Variants in DLG2 observed in about 807,000 individuals in gnomAD.
DLG2 encodes the protein discs large MAGUK scaffold protein 2, also known as disks large homolog 2.
A neutral mutation model predicts 132.5 loss-of-function variants in DLG2; 45 were observed. That is an observed-to-expected ratio of 0.34 (90% CI 0.27 to 0.44). DLG2 has a LOEUF of 0.44. Ranked by LOEUF, DLG2 falls within the 20% of genes least tolerant of loss-of-function variation. DLG2 has a pLI of 1.00. For synonymous variants in DLG2, 424 were observed against 419.6 expected, an observed-to-expected ratio of 1.01 and a Z score of -0.13; for missense variants, 1,045 against 1,196.9, an observed-to-expected ratio of 0.87 and a Z score of 1.87.
At chr11:85,452,826 G>T in intron 3 of DLG2, 1 of 162,726 alleles carries the variant, frequency 6.1e-6, no homozygotes, top group African/African-American at 2.4e-5. Flanking sequence ...AATGCAGGCA[G>T]CAGCTTCATG....
chr11:84,329,781 G>A (rs1452800071), intron 7 of DLG2, among the ~76,000 whole-genome samples: 1 of 152,132 alleles, frequency 6.6e-6, no homozygotes, highest in Non-Finnish European at 1.5e-5. Context: ...GAAGGCCAAT[G>A]GCCTTTGCTT....
rs760184088 is a variant in DLG2, at chr11:83,480,642, G to GAA, written c.2293+3485_2293+3486dup. 1.5e-4 allele frequency: 232 copies of GAA among 1,553,774 alleles called. 1 individual carries two copies. Among genetic ancestry groups the GAA allele is most frequent in the Non-Finnish European group, 2.0e-4 (228 of 1,148,798 alleles). ...CTGTTTCTTCTTTTTAGCAAATGAA[G>GAA]AAAGTATCTTTAATTACAAAAAATG... On this transcript the variant is annotated intron_variant, in intron 22 of 27. Coordinates refer to ENST00000376104, the MANE Select transcript of DLG2 (RefSeq NM_001142699.3).
chr11:84,860,477 T>A (rs940377204), intron 6 of DLG2, among the ~76,000 whole-genome samples: 7 of 152,156 alleles, frequency 4.6e-5, no homozygotes, highest in Non-Finnish European at 1.0e-4. Flanking sequence ...GATTTTCTAT[T>A]GTTGAAAATA....
intron 6 of DLG2, among the ~76,000 whole-genome samples, chr11:84,657,639 G>C (rs1433241870): frequency 1.3e-5 from 2 of 152,128 alleles, no homozygotes; most frequent in Non-Finnish European, 2.9e-5. Context: ...TTCACAATAG[G>C]TTTCCTGCTC....
At chr11:85,488,117 G>A (rs1469876885) in intron 3 of DLG2, among the ~76,000 whole-genome samples, 1 of 152,202 alleles carries the variant, frequency 6.6e-6, no homozygotes, top group Non-Finnish European at 1.5e-5. Context: ...TTGGCTGGGT[G>A]CAGTGGCTCA....
chr11:83,881,981 AT>A (rs2066389830), intron 15 of DLG2, among the ~76,000 whole-genome samples: 1 of 152,106 alleles, frequency 6.6e-6, no homozygotes, highest in African/African-American at 2.4e-5. Flanking sequence ...AGATCAAAAA[AT>A]ATTATAAAAT....
At chr11:85,143,389 G>T (rs2152434916) in intron 5 of DLG2, among the ~76,000 whole-genome samples, 1 of 151,786 alleles carries the variant, frequency 6.6e-6, no homozygotes, top group Non-Finnish European at 1.5e-5. Flanking sequence ...CAGTTGTAAT[G>T]TCACGTTTTT....
intron 6 of DLG2, among the ~76,000 whole-genome samples, chr11:84,976,357 G>C (rs2054905463): frequency 6.6e-6 from 1 of 152,104 alleles, no homozygotes; most frequent in South Asian, 2.1e-4. Context: ...ACCCACGACT[G>C]TAAGACTGAG....
At chr11:83,844,448 T>C (rs1183306652) in intron 16 of DLG2, among the ~76,000 whole-genome samples, 1 of 146,144 alleles carries the variant, frequency 6.8e-6, no homozygotes, top group Non-Finnish European at 1.5e-5. Flanking sequence ...CTTGGGTGGC[T>C]GAGGCACGAG....
At chr11:85,037,363 T>G (rs1037991877) in intron 6 of DLG2, among the ~76,000 whole-genome samples, 2 of 152,208 alleles carry the variant, frequency 1.3e-5, no homozygotes, top group African/African-American at 4.8e-5. Flanking sequence ...GAGACTAAGT[T>G]TCTTCCTTTA....
chr11:83,797,798 G>A (rs1447164491), intron 17 of DLG2, among the ~76,000 whole-genome samples: 8 of 152,172 alleles, frequency 5.3e-5, no homozygotes, highest in Non-Finnish European at 8.8e-5. Context: ...GAATACAGGC[G>A]TGAGCCACTG....
intron 7 of DLG2, among the ~76,000 whole-genome samples, chr11:84,497,056 T>G (rs981626569): frequency 5.9e-5 from 9 of 152,158 alleles, no homozygotes; most frequent in Non-Finnish European, 1.3e-4. Flanking sequence ...ACTTAAACTC[T>G]GACTCCCACT....
At chr11:84,604,859 C>T (rs1427261424) in intron 6 of DLG2, among the ~76,000 whole-genome samples, 3 of 151,722 alleles carry the variant, frequency 2.0e-5, no homozygotes, top group East Asian at 3.9e-4. Context: ...ATAATATGTT[C>T]CTTTAAGAAA....
At chr11:83,606,396 C>A (rs1281736636) in intron 19 of DLG2, among the ~76,000 whole-genome samples, 1 of 152,012 alleles carries the variant, frequency 6.6e-6, no homozygotes, top group Non-Finnish European at 1.5e-5. Context: ...AGTGAGGAAA[C>A]CTTAGATGGG....
intron 6 of DLG2, among the ~76,000 whole-genome samples, chr11:84,962,420 T>C (rs1274201000): frequency 2.6e-5 from 4 of 152,308 alleles, no homozygotes; most frequent in African/African-American, 9.6e-5. Flanking sequence ...ATATACCAAT[T>C]ACTTAGCTTT....
chr11:84,134,594 T>C (rs1208390704), intron 9 of DLG2, among the ~76,000 whole-genome samples: 1 of 152,014 alleles, frequency 6.6e-6, no homozygotes, highest in African/African-American at 2.4e-5. Flanking sequence ...GGGAACTAGG[T>C]ACAGTTCCCA....
intron 9 of DLG2, among the ~76,000 whole-genome samples, chr11:84,138,911 T>C (rs2094717269): frequency 1.5e-5 from 2 of 136,492 alleles, no homozygotes; most frequent in Non-Finnish European, 3.0e-5. Flanking sequence ...ATCATGCCAC[T>C]GCATCCCAAA....
intron 6 of DLG2, among the ~76,000 whole-genome samples, chr11:84,642,096 T>TGTGTGTGTGTGTATATGTAGA (rs1555124479): frequency 0.018 from 2,514 of 136,560 alleles, 88 homozygotes; most frequent in African/African-American, 0.069. Context: ...ATGTAGAGTG[T>TGTGTGTGTGTGTATATGTAGA]GTGTGTGTGT....
Position 83,486,259 on chromosome 11 carries a change from TAAAAGA to T in DLG2, c.2194-2037_2194-2032del. On this transcript the variant is annotated intron_variant, in intron 21 of 27. Coordinates refer to ENST00000376104, the MANE Select transcript of DLG2 (RefSeq NM_001142699.3). The stretch of plus-strand genomic sequence containing the variant: ...ATATTTAAACTCCAGTAACTGAAAA[TAAAAGA>T]AAAAAAATCATGTAAGAATTAATGG... 3 of 668,942 alleles carry T rather than the reference TAAAAGA, an allele frequency of 4.5e-6. No individual in the cohort carries two copies. In the East Asian group the frequency reaches 8.4e-5, roughly 19 times the overall value. 41.4% of individuals were successfully genotyped at this position (668,942 alleles called of 1,614,324 possible). A position where few individuals can be genotyped will look rare whatever the true frequency, so the allele number is the denominator to read the frequency against.
Sources: allele counts gnomAD v4.1 joint callset (sites outside exome capture counted in the v4.1 genomes callset), GRCh38; gene constraint gnomAD v4.1.1; transcripts MANE v1.5; gene names NCBI Gene and HGNC (gene_info 2026-07-23, HGNC 2026-07-21).